Variants in SLC5A8 observed in about 807,000 individuals in gnomAD.
The protein encoded by SLC5A8 is solute carrier family 5 member 8.
SLC5A8 carries 55 observed loss-of-function variants against 71.9 expected under a neutral mutation model. That is an observed-to-expected ratio of 0.77 (90% CI 0.62 to 0.96). The LOEUF (loss-of-function observed/expected upper bound fraction) is 0.96, where lower values mean the gene tolerates loss of function less well. Ranked by LOEUF, SLC5A8 falls within the 40% of genes least tolerant of loss-of-function variation. The probability of loss-of-function intolerance (pLI) is 0.00; values close to 1 mark genes in which losing one functional copy is unlikely to be tolerated. For synonymous variants in SLC5A8, 307 were observed against 276.1 expected, an observed-to-expected ratio of 1.11 and a Z score of -1.11; for missense variants, 701 against 745.3, an observed-to-expected ratio of 0.94 and a Z score of 0.69.
chr12:101,188,198 C>G (rs1868741495), intron 6 of SLC5A8, among the ~76,000 whole-genome samples: 1 of 152,144 alleles, frequency 6.6e-6, no homozygotes, highest in Non-Finnish European at 1.5e-5. Flanking sequence ...ATAGCAATGC[C>G]TATGTCACAA....
intron 4 of SLC5A8, among the ~76,000 whole-genome samples, chr12:101,194,493 G>A (rs1413179004): frequency 1.3e-5 from 2 of 152,152 alleles, no homozygotes; most frequent in East Asian, 3.8e-4. Flanking sequence ...TTGAGACAGG[G>A]TTTTCTTTGC....
intron 13 of SLC5A8, among the ~76,000 whole-genome samples, chr12:101,158,772 T>C (rs2137119054): frequency 6.6e-6 from 1 of 150,764 alleles, no homozygotes; most frequent in Non-Finnish European, 1.5e-5. Context: ...ATCAGTAAAA[T>C]ATCAAACCAT....
Position 101,157,132 on chromosome 12 carries a change from T to C in SLC5A8, c.*147A>G, listed in dbSNP as rs964287833. The C allele has an allele frequency of 3.8e-6, 3 of 794,388 alleles. No individual in the cohort carries two copies. Among genetic ancestry groups the C allele is most frequent in the South Asian group, 5.2e-5 (2 of 38,250 alleles). The allele number at this position is 794,388 out of a possible 1,614,324, so 49.2% of individuals were successfully genotyped here. ...CAATTAATGATGTAGTAAATGAAGATAGTCCAGACTTTGTTTTAACAAAAA... is the reference window on the plus strand; with the variant it reads ...CAATTAATGATGTAGTAAATGAAGACAGTCCAGACTTTGTTTTAACAAAAA... On this transcript the variant is annotated 3_prime_UTR_variant, in exon 15 of 15. Transcript: ENST00000536262.
chr12:101,193,032 C>T (rs1868989011), intron 5 of SLC5A8, among the ~76,000 whole-genome samples: 2 of 143,964 alleles, frequency 1.4e-5, no homozygotes, highest in South Asian at 2.2e-4. Flanking sequence ...AGTGCAGTGG[C>T]GTGATCTCGG....
At chr12:101,171,719 C>T (rs571657195) in intron 10 of SLC5A8, among the ~76,000 whole-genome samples, 202 of 152,276 alleles carry the variant, frequency 1.3e-3, no homozygotes, top group African/African-American at 4.5e-3. Flanking sequence ...GGATGTGTGG[C>T]AGGCCAATGA....
intron 3 of SLC5A8, among the ~76,000 whole-genome samples, chr12:101,197,358 A>T (rs1266740648): frequency 6.6e-6 from 1 of 152,216 alleles, no homozygotes; most frequent in African/African-American, 2.4e-5. Flanking sequence ...ATAGCTGCTG[A>T]TAATTTTTCA....
At position 101,155,814 on chromosome 12, in the gene SLC5A8, A is replaced by G. The variant is rs1392900295; in HGVS notation, c.*1465T>C. ...ATGCCCAGGCTTTTTTTTTTTTTTA[A>G]ATTTCTTAACATTGTCAGTTAGCAA... On this transcript the variant is annotated 3_prime_UTR_variant, in exon 15 of 15. Coordinates refer to ENST00000536262, the MANE Select transcript of SLC5A8 (RefSeq NM_145913.5). The G allele has an allele frequency of 1.3e-5, 2 of 148,736 alleles. No individual in the cohort carries two copies. Among genetic ancestry groups the G allele is most frequent in the East Asian group, 3.9e-4 (2 of 5,080 alleles). 9.2% of individuals were successfully genotyped at this position (148,736 alleles called of 1,614,324 possible). A position where few individuals can be genotyped will look rare whatever the true frequency, so the allele number is the denominator to read the frequency against.
intron 10 of SLC5A8, among the ~76,000 whole-genome samples, chr12:101,174,102 A>G (rs1267025645): frequency 6.6e-6 from 1 of 152,188 alleles, no homozygotes; most frequent in East Asian, 1.9e-4. Context: ...AGTGTTCCGG[A>G]GGGCTTCATT....
chr12:101,158,182 T>C, intron 14 of SLC5A8, 67 bp downstream of exon 14: 1 of 1,080,674 alleles, frequency 9.3e-7, no homozygotes, highest in Non-Finnish European at 1.4e-6. Flanking sequence ...GGTTGAGAAC[T>C]AATTAGTGTT....
At chr12:101,197,123 G>A (rs187767670) in intron 3 of SLC5A8, among the ~76,000 whole-genome samples, 1 of 152,302 alleles carries the variant, frequency 6.6e-6, no homozygotes, top group East Asian at 1.9e-4. Context: ...CACCCTTGGG[G>A]GATAGTAGGA....
chr12:101,159,091 A>G (rs186099513), intron 13 of SLC5A8, among the ~76,000 whole-genome samples: 264 of 152,258 alleles, frequency 1.7e-3, no homozygotes, highest in African/African-American at 6.1e-3. Context: ...TAAAATGCAG[A>G]TTCCCAGACT....
At chr12:101,182,107 C>T (rs1003581608) in intron 9 of SLC5A8, among the ~76,000 whole-genome samples, 2 of 152,164 alleles carry the variant, frequency 1.3e-5, no homozygotes, top group African/African-American at 2.4e-5. Flanking sequence ...GATGCTTAAA[C>T]CACTCTATTC....
Position 101,187,613 on chromosome 12 carries a change from A to G in SLC5A8, c.834-98T>C, listed in dbSNP as rs987657267. The G allele has an allele frequency of 3.2e-6, 4 of 1,265,506 alleles. No individual in the cohort carries two copies. The African/African-American group carries it at 6.1e-5, about 19-fold the overall frequency. The allele number at this position is 1,265,506 out of a possible 1,614,324, so 78.4% of individuals were successfully genotyped here. ...GATCAAAAGAGACCTTCATGATTAG[A>G]CTCAATAAATGTACATTATCTTTTG... is the stretch of plus-strand genomic sequence containing the variant. On this transcript the variant is annotated intron_variant, in intron 6 of 14. Transcript: ENST00000536262.
chr12:101,193,186 T>G (rs1254105634), intron 5 of SLC5A8, among the ~76,000 whole-genome samples: 1 of 152,122 alleles, frequency 6.6e-6, no homozygotes, highest in African/African-American at 2.4e-5. Context: ...TTGGCCAGGC[T>G]GGTCTCGAAC....
intron 3 of SLC5A8, among the ~76,000 whole-genome samples, chr12:101,199,657 G>A (rs547992814): frequency 6.6e-6 from 1 of 151,942 alleles, no homozygotes; most frequent in South Asian, 2.1e-4. Flanking sequence ...AATATCAAAT[G>A]CTGGCAAGGA....
In SLC5A8 at chr12:101,158,252, C is replaced by T; in HGVS notation, c.1707G>A (p.Lys569=). 2.5e-6 allele frequency: 4 copies of T among 1,579,642 alleles called. No individual in the cohort carries two copies. Among genetic ancestry groups the T allele is most frequent in the Non-Finnish European group, 3.5e-6 (4 of 1,153,580 alleles). The change falls in exon 14 of 15, where the codon AAG becomes AAA. Residue 569 remains lysine (K), a synonymous_variant. Transcript: ENST00000536262. ...AGGTAAATGAAAGCCAACTCACTTT[C>T]TTAAAAATATCAAAATTGGATAAAA... ...EDFLSNFDIF[K]KKKHVLSYKS... is the part of the protein sequence containing the mutation.
Position 101,204,481 on chromosome 12 carries a change from T to G in SLC5A8, c.417+19A>C. 6.3e-7 allele frequency: 1 copy of G among 1,581,582 alleles called. No homozygotes were observed. The highest frequency in any genetic ancestry group is 1.9e-5 in the Admixed American group (1 of 53,440). ...ACATTTTAGCTGACAAAAGATAAAA[T>G]AAATGGAGAGCTACTTACTGTTTGA... is the stretch of plus-strand genomic sequence containing the variant. On this transcript the variant is annotated intron_variant, in intron 2 of 14. Coordinates refer to ENST00000536262, the MANE Select transcript of SLC5A8 (RefSeq NM_145913.5).
chr12:101,182,970 T>C (rs992241040), intron 8 of SLC5A8, 55 bp from the exon 9 acceptor site: 3 of 927,708 alleles, frequency 3.2e-6, no homozygotes, highest in Non-Finnish European at 4.7e-6. Flanking sequence ...AATAATACTT[T>C]AAGTGGGAAT....
At chr12:101,207,960 T>C (rs977531401) in intron 1 of SLC5A8, among the ~76,000 whole-genome samples, 2 of 152,112 alleles carry the variant, frequency 1.3e-5, no homozygotes, top group African/African-American at 4.8e-5. Flanking sequence ...AGAAGTTTAA[T>C]AGAGAGTGAG....
Sources: allele counts gnomAD v4.1 joint callset (sites outside exome capture counted in the v4.1 genomes callset), GRCh38; gene constraint gnomAD v4.1.1; transcripts MANE v1.5; gene names NCBI Gene and HGNC (gene_info 2026-07-23, HGNC 2026-07-21).